BCL11B: variants seen among roughly 807,000 people sequenced by gnomAD.
The protein encoded by BCL11B is BCL11 transcription factor B, also known as B-cell lymphoma/leukemia 11B.
In BCL11B, 8 loss-of-function variants were observed where a neutral mutation model predicts 49.9. That is an observed-to-expected ratio of 0.16 (90% confidence interval 0.09 to 0.29). The LOEUF is 0.29. Among genes scored for constraint, BCL11B ranks in the 10% least tolerant of loss-of-function variants. BCL11B has a pLI of 1.00. For missense variants in BCL11B, 1,006 were observed against 1,351.0 expected, an observed-to-expected ratio of 0.74 and a Z score of 4.00; for synonymous variants, 739 against 637.4, an observed-to-expected ratio of 1.16 and a Z score of -2.40.
In BCL11B at chr14:99,250,603, A is replaced by G. The variant is rs370240656; in HGVS notation, c.427+6868T>C. On this transcript the variant is annotated intron_variant, in intron 2 of 3. Transcript: ENST00000357195. ...CTGGTGGTTAATTCATTAGCCAAGCATGCAAATGAGCAACAACCACTCAAA... is the reference window on the plus strand; with the variant it reads ...CTGGTGGTTAATTCATTAGCCAAGCGTGCAAATGAGCAACAACCACTCAAA... Among the ~76,000 whole-genome samples the G allele has an allele frequency of 1.1e-4, 17 of 152,296 alleles. No homozygotes were observed. The East Asian group carries it at 2.3e-3, about 21-fold the overall frequency.
At chr14:99,200,757 G>C (rs1367496186) in intron 3 of BCL11B, among the ~76,000 whole-genome samples, 1 of 152,212 alleles carries the variant, frequency 6.6e-6, no homozygotes, top group Non-Finnish European at 1.5e-5. Context: ...GATGGAATGA[G>C]AGCCGGCAAG....
Position 99,195,416 on chromosome 14 carries a change from G to A in BCL11B, c.641-19221C>T, listed in dbSNP as rs966687954. 3.9e-5 allele frequency among the ~76,000 whole-genome samples: 6 copies of A among 152,094 alleles called. No homozygotes were observed. The highest frequency in any genetic ancestry group is 7.4e-5 in the Non-Finnish European group (5 of 68,018). ...GACCAGAATGCTGCAGGCGAATGGT[G>A]CACCCAGCATTCTATCCTTGCCCAC... is the stretch of plus-strand genomic sequence containing the variant. On this transcript the variant is annotated intron_variant, in intron 3 of 3. Transcript: ENST00000357195. The surrounding 1 kb of genome is among the most constrained non-coding windows in gnomAD (Gnocchi z 4.7).
rs1045740478 is a variant in BCL11B, at chr14:99,228,698, G to A, written c.640+2647C>T. Among the ~76,000 whole-genome samples the A allele has an allele frequency of 6.6e-6, 1 of 152,182 alleles. No homozygotes were observed. The highest frequency in any genetic ancestry group is 2.4e-5 in the African/African-American group (1 of 41,444). ...AAGAAGAGCCAAAGCCAAAGATGTGGCAGGTGCTGGATGGAGAGCCTGGGA... is the reference window on the plus strand; with the variant it reads ...AAGAAGAGCCAAAGCCAAAGATGTGACAGGTGCTGGATGGAGAGCCTGGGA... On this transcript the variant is annotated intron_variant, in intron 3 of 3. Coordinates refer to ENST00000357195, the MANE Select transcript of BCL11B (RefSeq NM_138576.4). This position sits in a 1 kb window ranked among gnomAD's most constrained non-coding sequence, Gnocchi z 4.8.
At chr14:99,200,822 G>A (rs1046224865) in intron 3 of BCL11B, among the ~76,000 whole-genome samples, 2 of 152,174 alleles carry the variant, frequency 1.3e-5, no homozygotes, top group Non-Finnish European at 2.9e-5. Flanking sequence ...GGCTCACCTC[G>A]GGGCCTGGAG....
At chr14:99,199,698 A>C (rs1317877144) in intron 3 of BCL11B, among the ~76,000 whole-genome samples, 1 of 52,532 alleles carries the variant, frequency 1.9e-5, no homozygotes, top group East Asian at 3.5e-4. Flanking sequence ...GCGCGCGCGC[A>C]CGTGCACGTG....
intron 3 of BCL11B, among the ~76,000 whole-genome samples, chr14:99,182,941 T>C (rs1886750274): frequency 6.6e-6 from 1 of 152,228 alleles, no homozygotes; most frequent in South Asian, 2.1e-4. Context: ...GCACTGTGTG[T>C]TCTGCTGAGA....
chr14:99,194,386 G>T lies in BCL11B; in HGVS notation c.641-18191C>A, dbSNP rs1289351467. 6.6e-6 allele frequency among the ~76,000 whole-genome samples: 1 copy of T among 152,220 alleles called. No individual in the cohort carries two copies. The highest frequency in any genetic ancestry group is 1.5e-5 in the Non-Finnish European group (1 of 68,012). The stretch of plus-strand genomic sequence containing the variant: ...CCAGTGCTCCTGGACAACATCCCTA[G>T]GGGGTGGCAGGGCCAGGAAGATGCC... On this transcript the variant is annotated intron_variant, in intron 3 of 3. Coordinates refer to ENST00000357195, the MANE Select transcript of BCL11B (RefSeq NM_138576.4). The surrounding 1 kb of genome is among the most constrained non-coding windows in gnomAD (Gnocchi z 4.6).
chr14:99,226,459 G>C (rs889232874), intron 3 of BCL11B, among the ~76,000 whole-genome samples: 6 of 152,138 alleles, frequency 3.9e-5, no homozygotes, highest in African/African-American at 1.4e-4. Context: ...GAATCAAGGC[G>C]ACGCATCAGC....
chr14:99,244,904 C>A (rs1888779914), intron 2 of BCL11B, among the ~76,000 whole-genome samples: 1 of 152,148 alleles, frequency 6.6e-6, no homozygotes, highest in African/African-American at 2.4e-5. Context: ...TTTAATACTA[C>A]CTTGACTCTT....
chr14:99,255,882 GA>G (rs1375205214), intron 2 of BCL11B, among the ~76,000 whole-genome samples: 3 of 152,198 alleles, frequency 2.0e-5, no homozygotes, highest in African/African-American at 7.2e-5. Context: ...TTGCATCTTG[GA>G]AAGTGTATGA....
At chr14:99,251,200 T>G (rs1430934584) in intron 2 of BCL11B, among the ~76,000 whole-genome samples, 1 of 152,228 alleles carries the variant, frequency 6.6e-6, no homozygotes, top group African/African-American at 2.4e-5. Context: ...TAACTAGTTA[T>G]GTAAGTTCAG....
intron 2 of BCL11B, among the ~76,000 whole-genome samples, chr14:99,256,345 C>A (rs1447369965): frequency 2.0e-5 from 3 of 152,182 alleles, no homozygotes; most frequent in Non-Finnish European, 2.9e-5. Flanking sequence ...ATTAAGAGCC[C>A]CTGCTCATCT....
At chr14:99,268,742 C>T (rs552210929) in intron 1 of BCL11B, among the ~76,000 whole-genome samples, 1 of 152,296 alleles carries the variant, frequency 6.6e-6, no homozygotes, top group East Asian at 1.9e-4. Flanking sequence ...TAAACCTGTA[C>T]ACATAGCCTG....
At position 99,247,972 on chromosome 14, in the gene BCL11B, C is replaced by T. The variant is rs560616604; in HGVS notation, c.427+9499G>A. On this transcript the variant is annotated intron_variant, in intron 2 of 3. Transcript: ENST00000357195. This position sits in a 1 kb window ranked among gnomAD's most constrained non-coding sequence, Gnocchi z 4.5. ...GGCGGTCCTGGGCTGGGGGGCTCACCCTGCCCTTGGCTGCTGCCTTTTCTC... is the reference window on the plus strand; with the variant it reads ...GGCGGTCCTGGGCTGGGGGGCTCACTCTGCCCTTGGCTGCTGCCTTTTCTC... Among the ~76,000 whole-genome samples, 1 of 152,126 alleles carries T rather than the reference C, an allele frequency of 6.6e-6. No homozygotes were observed. Among genetic ancestry groups the T allele is most frequent in the African/African-American group, 2.4e-5 (1 of 41,416 alleles).
chr14:99,231,619 G>A lies in BCL11B; in HGVS notation c.428-62C>T, dbSNP rs1888338865. ...GCCCTGGACTGTGTGAGGGGCACGG[G>A]GTGGGACGGGGCTCGGGGCGTGGGG... is the stretch of plus-strand genomic sequence containing the variant. On this transcript the variant is annotated intron_variant, in intron 2 of 3. Coordinates refer to ENST00000357195, the MANE Select transcript of BCL11B (RefSeq NM_138576.4). This position sits in a 1 kb window ranked among gnomAD's most constrained non-coding sequence, Gnocchi z 8.1. The A allele has an allele frequency of 1.3e-6, 2 of 1,500,386 alleles. No individual in the cohort carries two copies. The highest frequency in any genetic ancestry group is 2.8e-5 in the African/African-American group (2 of 72,040). 92.9% of individuals were successfully genotyped at this position (1,500,386 alleles called of 1,614,324 possible). A position where few individuals can be genotyped will look rare whatever the true frequency, so the allele number is the denominator to read the frequency against.
chr14:99,217,385 G>GACACACACACTCATACAGAC (rs1555380368), intron 3 of BCL11B, among the ~76,000 whole-genome samples: 1 of 131,018 alleles, frequency 7.6e-6, no homozygotes, highest in African/African-American at 2.7e-5. Context: ...CACACATACA[G>GACACACACACTCATACAGAC]ACACACACAC....
chr14:99,222,142 C>G (rs1888028097), intron 3 of BCL11B, among the ~76,000 whole-genome samples: 1 of 152,184 alleles, frequency 6.6e-6, no homozygotes, highest in Non-Finnish European at 1.5e-5. Flanking sequence ...CCACCCCGAC[C>G]CTGCCCTCAG....
intron 1 of BCL11B, among the ~76,000 whole-genome samples, chr14:99,259,779 C>T (rs996367558): frequency 2.6e-5 from 4 of 152,154 alleles, no homozygotes; most frequent in African/African-American, 7.2e-5. Flanking sequence ...GACAATGCCA[C>T]GTAATTAATT....
At chr14:99,245,872 C>G (rs1021080074) in intron 2 of BCL11B, among the ~76,000 whole-genome samples, 6 of 151,880 alleles carry the variant, frequency 4.0e-5, no homozygotes, top group Non-Finnish European at 8.8e-5. Flanking sequence ...CCATCTCCGC[C>G]GGCTGCCAGG....
Sources: allele counts gnomAD v4.1 joint callset (sites outside exome capture counted in the v4.1 genomes callset), GRCh38; gene constraint gnomAD v4.1.1; non-coding constraint Gnocchi (gnomAD v3.1); transcripts MANE v1.5; gene names NCBI Gene and HGNC (gene_info 2026-07-23, HGNC 2026-07-21).